SHANK2: variants seen among roughly 807,000 people sequenced by gnomAD.
SHANK2 encodes the protein SH3 and multiple ankyrin repeat domains protein 2.
SHANK2 carries 43 observed loss-of-function variants against 133.7 expected under a neutral mutation model. That is an observed-to-expected ratio of 0.32 (90% confidence interval 0.25 to 0.41). The LOEUF (loss-of-function observed/expected upper bound fraction) is 0.41, where lower values mean the gene tolerates loss of function less well. SHANK2 is among the 10% of genes least tolerant of loss of function. SHANK2 has a pLI of 1.00. For synonymous variants in SHANK2, 1,017 were observed against 952.8 expected, an observed-to-expected ratio of 1.07 and a Z score of -1.24; for missense variants, 1,994 against 2,235.8, an observed-to-expected ratio of 0.89 and a Z score of 2.18.
intron 14 of SHANK2, among the ~76,000 whole-genome samples, chr11:70,725,472 A>G (rs1946160353): frequency 6.6e-6 from 1 of 152,152 alleles, no homozygotes; most frequent in South Asian, 2.1e-4. Flanking sequence ...GGGGCCTTTG[A>G]CAGCTGCATG....
intron 9 of SHANK2, among the ~76,000 whole-genome samples, chr11:71,061,352 C>T (rs1950983841): frequency 6.6e-6 from 1 of 152,224 alleles, no homozygotes. Context: ...AACGTGGTCA[C>T]ACATTCACAG....
In SHANK2 at chr11:70,487,288, A is replaced by G. The variant is rs782199359; in HGVS notation, c.3005T>C (p.Val1002Ala). 82 of 1,613,866 alleles carry G rather than the reference A, an allele frequency of 5.1e-5. No homozygotes were observed. The South Asian group carries it at 6.2e-4, about 12-fold the overall frequency. ...CTTCCGCCTGGCGGGCTTGGCGGGGACGTAGACGGCTTTGCTGGCGATCTT... is the reference window on the plus strand; with the variant it reads ...CTTCCGCCTGGCGGGCTTGGCGGGGGCGTAGACGGCTTTGCTGGCGATCTT... Reference protein sequence around the residue: ...VGKIASKAVYVPAKPARRKGM... With the variant: ...VGKIASKAVYAPAKPARRKGM... Residue 1002 changes from valine (V) to alanine (A), a missense_variant, in exon 25 of 26, where the codon GTC becomes GCC. Coordinates refer to ENST00000601538, the MANE Select transcript of SHANK2 (RefSeq NM_012309.5). This position sits in a 1 kb window ranked among gnomAD's most constrained non-coding sequence, Gnocchi z 5.8.
At chr11:70,876,956 T>G (rs575307819) in intron 11 of SHANK2, among the ~76,000 whole-genome samples, 1 of 152,262 alleles carries the variant, frequency 6.6e-6, no homozygotes, top group East Asian at 1.9e-4. Flanking sequence ...ACCTGGACCT[T>G]GGAGAATTCC....
At chr11:70,801,405 T>A (rs1201675555) in intron 13 of SHANK2, among the ~76,000 whole-genome samples, 4 of 152,144 alleles carry the variant, frequency 2.6e-5, no homozygotes, top group African/African-American at 9.6e-5. Context: ...GGGGGCCCCT[T>A]CTGGGTTTCT....
intron 3 of SHANK2, among the ~76,000 whole-genome samples, chr11:71,121,327 G>T (rs1468501402): frequency 1.3e-5 from 2 of 152,202 alleles, no homozygotes; most frequent in Admixed American, 6.5e-5. Flanking sequence ...AAGTCCTAAT[G>T]CCCATACCCT....
At chr11:71,251,332 C>A (rs1948174689) in intron 1 of SHANK2, among the ~76,000 whole-genome samples, 1 of 152,222 alleles carries the variant, frequency 6.6e-6, no homozygotes, top group Admixed American at 6.5e-5. Context: ...CACGCCAAGC[C>A]CCAGAACCCT....
At chr11:70,814,625 G>A (rs576011833) in intron 12 of SHANK2, among the ~76,000 whole-genome samples, 1 of 152,358 alleles carries the variant, frequency 6.6e-6, no homozygotes, top group Non-Finnish European at 1.5e-5. Flanking sequence ...GGCCAAAGAC[G>A]GGCTTCCCAG....
intron 17 of SHANK2, among the ~76,000 whole-genome samples, chr11:70,599,737 A>C (rs2060453604): frequency 6.7e-6 from 1 of 148,422 alleles, no homozygotes; most frequent in Non-Finnish European, 1.5e-5. Flanking sequence ...GGTTGCAGTG[A>C]GTTGAGATTG....
intron 3 of SHANK2, among the ~76,000 whole-genome samples, chr11:71,144,006 C>A (rs1382908527): frequency 1.3e-5 from 2 of 151,708 alleles, no homozygotes; most frequent in African/African-American, 4.8e-5. Flanking sequence ...TGAATTCCCT[C>A]CAATTAAAAG....
chr11:71,210,950 A>C (rs1016892120), intron 2 of SHANK2, among the ~76,000 whole-genome samples: 16 of 152,146 alleles, frequency 1.1e-4, no homozygotes, highest in African/African-American at 3.9e-4. Context: ...CAGACGCATG[A>C]GGAGAGGGCA....
intron 14 of SHANK2, among the ~76,000 whole-genome samples, chr11:70,711,588 C>T (rs1337906129): frequency 2.6e-5 from 4 of 152,236 alleles, no homozygotes; most frequent in East Asian, 1.9e-4. Context: ...CCAGCACGCC[C>T]GCCCGGCCTC....
intron 10 of SHANK2, among the ~76,000 whole-genome samples, chr11:70,904,394 G>A (rs1305236006): frequency 1.3e-5 from 2 of 152,088 alleles, no homozygotes; most frequent in Non-Finnish European, 2.9e-5. Context: ...AGCCTCTGAG[G>A]AACTTAAAGA....
At chr11:71,232,219 G>A (rs1476522493) in intron 1 of SHANK2, among the ~76,000 whole-genome samples, 1 of 152,154 alleles carries the variant, frequency 6.6e-6, no homozygotes, top group East Asian at 1.9e-4. Context: ...AGGGCTTATA[G>A]AGCAAGTAGG....
At chr11:70,802,696 C>G (rs1555050796) in intron 13 of SHANK2, among the ~76,000 whole-genome samples, 1 of 152,184 alleles carries the variant, frequency 6.6e-6, no homozygotes, top group Non-Finnish European at 1.5e-5. Flanking sequence ...GGGGCAGACA[C>G]CTGGAGGAGC....
intron 21 of SHANK2, among the ~76,000 whole-genome samples, chr11:70,497,180 C>G (rs2058982931): frequency 6.6e-6 from 1 of 152,230 alleles, no homozygotes; most frequent in Admixed American, 6.5e-5. Flanking sequence ...GCCCTTGTCT[C>G]TTGGGGACGT....
upstream of SHANK2, among the ~76,000 whole-genome samples, chr11:71,252,730 G>A (rs1948207754): frequency 6.6e-6 from 1 of 150,608 alleles, no homozygotes; most frequent in African/African-American, 2.4e-5. The surrounding 1 kb of genome is among the most constrained non-coding windows in gnomAD (Gnocchi z 6.3). Context: ...CCCCCGCCCC[G>A]ACCCCGCTCC....
intron 11 of SHANK2, 86 bp downstream of exon 11, chr11:70,896,415 A>G: frequency 1.6e-6 from 1 of 638,990 alleles, no homozygotes; most frequent in Non-Finnish European, 2.9e-6. Context: ...CAATCTTAGG[A>G]GAATTTTAAA....
At chr11:70,492,172 A>G (rs1162192071) in intron 22 of SHANK2, among the ~76,000 whole-genome samples, 163 bp downstream of exon 22, 3 of 152,198 alleles carry the variant, frequency 2.0e-5, no homozygotes, top group African/African-American at 7.2e-5. Context: ...GTGAGTCTGC[A>G]CAGACCCGGC....
At chr11:71,174,396 A>G (rs1310754623) in intron 2 of SHANK2, among the ~76,000 whole-genome samples, 1 of 152,138 alleles carries the variant, frequency 6.6e-6, no homozygotes, top group African/African-American at 2.4e-5. Context: ...AAAATCAAAA[A>G]TCAGGCCGGG....
Sources: allele counts gnomAD v4.1 joint callset (sites outside exome capture counted in the v4.1 genomes callset), GRCh38; gene constraint gnomAD v4.1.1; non-coding constraint Gnocchi (gnomAD v3.1); transcripts MANE v1.5; gene names NCBI Gene and HGNC (gene_info 2026-07-23, HGNC 2026-07-21).